ST6GALNAC5: variants seen among roughly 807,000 people sequenced by gnomAD.
ST6GALNAC5 encodes the protein ST6 N-acetylgalactosaminide alpha-2,6-sialyltransferase 5, also known as alpha-N-acetylgalactosaminide alpha-2,6-sialyltransferase 5.
In ST6GALNAC5, 27 loss-of-function variants were observed where a neutral mutation model predicts 33.6. The observed-to-expected ratio is 0.80, with a 90% CI of 0.59 to 1.11. ST6GALNAC5 has a LOEUF of 1.11. Among genes scored for constraint, ST6GALNAC5 ranks in the 50% least tolerant of loss-of-function variants. The pLI, the probability that ST6GALNAC5 is intolerant of heterozygous loss-of-function variation, is 0.00. For missense variants in ST6GALNAC5, 428 were observed against 454.0 expected, an observed-to-expected ratio of 0.94 and a Z score of 0.52; for synonymous variants, 194 against 171.2, an observed-to-expected ratio of 1.13 and a Z score of -1.04.
At chr1:76,892,610 T>A (rs1654037603) in intron 2 of ST6GALNAC5, among the ~76,000 whole-genome samples, 1 of 152,204 alleles carries the variant, frequency 6.6e-6, no homozygotes, top group South Asian at 2.1e-4. Flanking sequence ...ACATTGCATG[T>A]CTAAGGTGGA....
At chr1:76,990,463 GT>G (rs1206971059) in intron 2 of ST6GALNAC5, among the ~76,000 whole-genome samples, 4 of 152,128 alleles carry the variant, frequency 2.6e-5, no homozygotes, top group Admixed American at 6.6e-5. Flanking sequence ...AGGGTGAAAT[GT>G]GCGCCTTCTC....
At chr1:77,023,068 C>T (rs573397428) in intron 2 of ST6GALNAC5, among the ~76,000 whole-genome samples, 69 of 152,264 alleles carry the variant, frequency 4.5e-4, no homozygotes, top group South Asian at 1.9e-3. Flanking sequence ...GAGGTTGGGA[C>T]ACTGAAAACA....
Position 76,891,908 on chromosome 1 carries a change from T to C in ST6GALNAC5, c.261+23166T>C, listed in dbSNP as rs185385784. 1.8e-4 allele frequency among the ~76,000 whole-genome samples: 28 copies of C among 152,322 alleles called. No individual in the cohort carries two copies. In the East Asian group the frequency reaches 5.2e-3, roughly 28 times the overall value. On this transcript the variant is annotated intron_variant, in intron 2 of 4. Coordinates refer to ENST00000477717, the MANE Select transcript of ST6GALNAC5 (RefSeq NM_030965.3). Reference sequence around the variant, plus strand: ...GCATATCTATGTATTTTAAATTCAGTTATATATACTGTCACTAGCCATACC... The same window carrying C: ...GCATATCTATGTATTTTAAATTCAGCTATATATACTGTCACTAGCCATACC...
At chr1:76,948,587 C>CAGAGAGAGAG (rs60959607) in intron 2 of ST6GALNAC5, among the ~76,000 whole-genome samples, 1,572 of 129,656 alleles carry the variant, frequency 0.012, 32 homozygotes, top group South Asian at 0.032. Flanking sequence ...GGAGTGGGGA[C>CAGAGAGAGAG]AGAGAGAGAG....
chr1:76,904,581 T>G lies in ST6GALNAC5; in HGVS notation c.261+35839T>G, dbSNP rs149567368. ...TGCCTCAGGCTTGTAATTCAGCACC[T>G]TGGGAGGCTGAAGCGAGTGGATCAC... On this transcript the variant is annotated intron_variant, in intron 2 of 4. Coordinates refer to ENST00000477717, the MANE Select transcript of ST6GALNAC5 (RefSeq NM_030965.3). Among the ~76,000 whole-genome samples the G allele has an allele frequency of 3.2e-3, 491 of 152,292 alleles. 1 individual carries two copies. The highest frequency in any genetic ancestry group is 4.9e-3 in the Non-Finnish European group (330 of 68,018).
chr1:76,948,327 C>A (rs935210831), intron 2 of ST6GALNAC5, among the ~76,000 whole-genome samples: 1 of 152,140 alleles, frequency 6.6e-6, no homozygotes, highest in African/African-American at 2.4e-5. Flanking sequence ...TGCGGGAGAC[C>A]TTCTAGCTCC....
chr1:77,036,367 A>G lies in ST6GALNAC5; in HGVS notation c.262-7837A>G, dbSNP rs182694723. ...TGGTTGCCCAACTCTCTAAATATAC[A>G]AAAAAATTATTTTTAATTCATGTTT... On this transcript the variant is annotated intron_variant, in intron 2 of 4. Transcript: ENST00000477717. Among the ~76,000 whole-genome samples, 65 of 152,328 alleles carry G rather than the reference A, an allele frequency of 4.3e-4. 1 individual carries two copies. Among genetic ancestry groups the G allele is most frequent in the African/African-American group, 1.4e-3 (59 of 41,576 alleles).
At chr1:76,875,527 A>C (rs974563597) in intron 2 of ST6GALNAC5, among the ~76,000 whole-genome samples, 1 of 152,148 alleles carries the variant, frequency 6.6e-6, no homozygotes, top group Non-Finnish European at 1.5e-5. Context: ...GAGGAACCCA[A>C]GGTGTCCAGG....
intron 2 of ST6GALNAC5, among the ~76,000 whole-genome samples, chr1:76,929,697 CTG>C (rs1647119888): frequency 6.6e-6 from 1 of 152,160 alleles, no homozygotes; most frequent in African/African-American, 2.4e-5. Context: ...GGTGCTGTCA[CTG>C]TAAAATACAT....
intron 2 of ST6GALNAC5, among the ~76,000 whole-genome samples, chr1:76,894,798 G>T (rs1654090005): frequency 6.6e-6 from 1 of 152,060 alleles, no homozygotes; most frequent in Non-Finnish European, 1.5e-5. Flanking sequence ...AAGGTTTGGG[G>T]TTTTCACCAC....
Position 76,867,761 on chromosome 1 carries a change from G to A in ST6GALNAC5, c.15+71G>A, listed in dbSNP as rs954333872. On this transcript the variant is annotated intron_variant, in intron 1 of 4. Coordinates refer to ENST00000477717, the MANE Select transcript of ST6GALNAC5 (RefSeq NM_030965.3). ...GGGCTCAGGGTCCACGGGACGCACC[G>A]TGGAGACTCCGAGACGCCTAACCCT... The A allele has an allele frequency of 4.2e-5, 68 of 1,611,104 alleles. No individual in the cohort carries two copies. The Middle Eastern group carries it at 4.0e-3, about 94-fold the overall frequency.
At chr1:76,977,464 G>A (rs983357298) in intron 2 of ST6GALNAC5, among the ~76,000 whole-genome samples, 55 of 151,956 alleles carry the variant, frequency 3.6e-4, no homozygotes, top group Non-Finnish European at 1.6e-4. Context: ...TCTCCCCGTC[G>A]TGCTATCCCC....
intron 2 of ST6GALNAC5, among the ~76,000 whole-genome samples, chr1:76,940,553 A>G (rs1000722450): frequency 1.3e-5 from 2 of 152,028 alleles, no homozygotes; most frequent in Non-Finnish European, 2.9e-5. Context: ...ATGATATAGT[A>G]TGGCTCCCTC....
rs1266894202 is a variant in ST6GALNAC5, at chr1:77,065,983, C to G, written c.*2777C>G. On this transcript the variant is annotated 3_prime_UTR_variant, in exon 5 of 5. Transcript: ENST00000477717. ...GGGAATTTGCAAACAAAATCAATCA[C>G]TTCAAATGGCCCATAAAAGGAGGAA... Among the ~76,000 whole-genome samples, 2 of 152,182 alleles carry G rather than the reference C, an allele frequency of 1.3e-5. No individual in the cohort carries two copies. Among genetic ancestry groups the G allele is most frequent in the Non-Finnish European group, 2.9e-5 (2 of 68,034 alleles).
intron 2 of ST6GALNAC5, among the ~76,000 whole-genome samples, chr1:76,942,001 G>A (rs1003157757): frequency 4.6e-5 from 7 of 152,056 alleles, no homozygotes; most frequent in Admixed American, 1.3e-4. Flanking sequence ...AGAGATAGGC[G>A]GGCCTTAAAT....
At chr1:76,895,972 G>A in intron 2 of ST6GALNAC5, among the ~76,000 whole-genome samples, 1 of 152,214 alleles carries the variant, frequency 6.6e-6, no homozygotes, top group East Asian at 1.9e-4. Context: ...GTTGGTGGCT[G>A]AGCTTGGTGT....
chr1:76,929,343 C>T (rs1179041291), intron 2 of ST6GALNAC5, among the ~76,000 whole-genome samples: 1 of 152,090 alleles, frequency 6.6e-6, no homozygotes, highest in African/African-American at 2.4e-5. Context: ...AAGTTGGAGA[C>T]CAACCTGGCC....
chr1:76,957,676 C>G (rs1648061973), intron 2 of ST6GALNAC5, among the ~76,000 whole-genome samples: 1 of 137,580 alleles, frequency 7.3e-6, no homozygotes, highest in Non-Finnish European at 1.5e-5. Flanking sequence ...GACACTACAC[C>G]CCTAAATACT....
intron 2 of ST6GALNAC5, among the ~76,000 whole-genome samples, chr1:76,911,196 A>G (rs1227985211): frequency 3.3e-5 from 5 of 152,162 alleles, no homozygotes; most frequent in African/African-American, 7.2e-5. Flanking sequence ...ATCTATTGAG[A>G]TAATCATGTG....
Sources: gnomAD v4.1 joint callset for allele counts (sites outside exome capture counted in the v4.1 genomes callset) on GRCh38, gnomAD v4.1.1 for gene constraint, MANE v1.5 for transcripts, NCBI Gene and HGNC (gene_info 2026-07-23, HGNC 2026-07-21) for gene names.